The following LRRTM4 variants were observed in gnomAD, a reference collection of about 807,000 sequenced individuals.
LRRTM4 encodes the protein leucine rich repeat transmembrane neuronal 4.
A neutral mutation model predicts 47.6 loss-of-function variants in LRRTM4; 25 were observed. The ratio of observed to expected loss-of-function variants is 0.53; its 90% CI spans 0.38 to 0.73. The LOEUF is 0.73. Among genes scored for constraint, LRRTM4 ranks in the 30% least tolerant of loss-of-function variants. The probability of loss-of-function intolerance (pLI) is 0.00; values close to 1 mark genes in which losing one functional copy is unlikely to be tolerated. For synonymous variants in LRRTM4, 311 were observed against 269.5 expected, an observed-to-expected ratio of 1.15 and a Z score of -1.51; for missense variants, 638 against 713.4, an observed-to-expected ratio of 0.89 and a Z score of 1.20.
At chr2:77,442,394 G>T (rs1042811598) in intron 3 of LRRTM4, among the ~76,000 whole-genome samples, 1 of 152,170 alleles carries the variant, frequency 6.6e-6, no homozygotes, top group Admixed American at 6.6e-5. Context: ...TTCCTAAAAT[G>T]TAGTAGTTCA....
intron 3 of LRRTM4, among the ~76,000 whole-genome samples, chr2:77,008,272 C>T (rs1368312077): frequency 6.6e-6 from 1 of 152,100 alleles, no homozygotes; most frequent in Non-Finnish European, 1.5e-5. Flanking sequence ...TTTAGGTTTA[C>T]ATCTTAAGTG....
At chr2:76,857,320 A>AATATATATATC (rs1672182666) in intron 3 of LRRTM4, among the ~76,000 whole-genome samples, 2 of 147,968 alleles carry the variant, frequency 1.4e-5, no homozygotes, top group African/African-American at 4.9e-5. Context: ...ATATATATAT[A>AATATATATATC]ATATATATAT....
intron 3 of LRRTM4, among the ~76,000 whole-genome samples, chr2:77,295,025 G>A (rs1046168385): frequency 2.6e-5 from 4 of 152,148 alleles, no homozygotes; most frequent in East Asian, 1.9e-4. Context: ...ATGACTCCAG[G>A]TGAATCAAAA....
At chr2:76,911,958 C>A (rs1340782158) in intron 3 of LRRTM4, among the ~76,000 whole-genome samples, 1 of 137,144 alleles carries the variant, frequency 7.3e-6, no homozygotes, top group Non-Finnish European at 1.6e-5. Flanking sequence ...GGGACAGAGT[C>A]TCGCTCTGTC....
chr2:77,282,129 T>G (rs972466264), intron 3 of LRRTM4, among the ~76,000 whole-genome samples: 1 of 151,940 alleles, frequency 6.6e-6, no homozygotes, highest in Admixed American at 6.6e-5. Flanking sequence ...GAGTGTCTTA[T>G]AGTTGTCCTT....
At chr2:77,348,020 C>A (rs986689171) in intron 3 of LRRTM4, among the ~76,000 whole-genome samples, 3 of 82,790 alleles carry the variant, frequency 3.6e-5, no homozygotes, top group African/African-American at 1.4e-4. Context: ...TAACAAAACA[C>A]AAGTACACAC....
chr2:77,240,795 G>T (rs958001059), intron 3 of LRRTM4, among the ~76,000 whole-genome samples: 1 of 151,600 alleles, frequency 6.6e-6, no homozygotes, highest in Non-Finnish European at 1.5e-5. Flanking sequence ...ATAATAAAAT[G>T]GTACCATTTA....
At chr2:77,329,792 A>G (rs1670902795) in intron 3 of LRRTM4, among the ~76,000 whole-genome samples, 1 of 152,124 alleles carries the variant, frequency 6.6e-6, no homozygotes, top group Non-Finnish European at 1.5e-5. Flanking sequence ...GAAGAGAGTG[A>G]AGGATAACTT....
intron 3 of LRRTM4, among the ~76,000 whole-genome samples, chr2:77,276,953 T>C (rs1676377045): frequency 6.6e-6 from 1 of 151,450 alleles, no homozygotes; most frequent in Non-Finnish European, 1.5e-5. Flanking sequence ...GGTAAGTGTA[T>C]TAGCTGCCTT....
intron 3 of LRRTM4, among the ~76,000 whole-genome samples, chr2:77,338,544 T>C (rs1033436453): frequency 2.6e-5 from 4 of 151,642 alleles, no homozygotes; most frequent in Non-Finnish European, 5.9e-5. Flanking sequence ...CAACGAGATA[T>C]CATCTCATAC....
At chr2:77,232,611 A>C (rs1043436337) in intron 3 of LRRTM4, among the ~76,000 whole-genome samples, 22 of 152,204 alleles carry the variant, frequency 1.4e-4, no homozygotes, top group African/African-American at 5.3e-4. Flanking sequence ...TCTGGTTATG[A>C]AACAAAGATA....
chr2:76,805,803 C>T (rs778157191), intron 3 of LRRTM4, among the ~76,000 whole-genome samples: 10 of 150,458 alleles, frequency 6.6e-5, no homozygotes, highest in Non-Finnish European at 1.3e-4. Context: ...TACTGCAGAC[C>T]TCCATAAAAC....
At chr2:77,345,342 G>A (rs1361178886) in intron 3 of LRRTM4, among the ~76,000 whole-genome samples, 2 of 151,762 alleles carry the variant, frequency 1.3e-5, no homozygotes, top group East Asian at 3.9e-4. Context: ...AGAAATGCAG[G>A]AGTAGGAGAA....
chr2:77,128,395 CAGAT>C (rs59399563), intron 3 of LRRTM4, among the ~76,000 whole-genome samples: 17,656 of 150,464 alleles, frequency 0.12, 1,691 homozygotes, highest in East Asian at 0.41. Flanking sequence ...AATTCTGTAA[CAGAT>C]AGATAGATAG....
At chr2:77,468,235 G>A (rs1488834687) in intron 3 of LRRTM4, among the ~76,000 whole-genome samples, 1 of 151,980 alleles carries the variant, frequency 6.6e-6, no homozygotes. Flanking sequence ...TATATGTTTA[G>A]GTATCACTGA....
intron 3 of LRRTM4, among the ~76,000 whole-genome samples, chr2:77,346,404 TA>T (rs1428274053): frequency 1.3e-5 from 2 of 152,104 alleles, no homozygotes; most frequent in Admixed American, 1.3e-4. Context: ...AATATAAATT[TA>T]AAAGGTATAT....
At chr2:76,868,569 T>C (rs2104039943) in intron 3 of LRRTM4, among the ~76,000 whole-genome samples, 1 of 152,320 alleles carries the variant, frequency 6.6e-6, no homozygotes, top group South Asian at 2.1e-4. Context: ...AGAGACAGGA[T>C]TTAGCAGAAT....
At chr2:77,199,298 C>T (rs1673912610) in intron 3 of LRRTM4, among the ~76,000 whole-genome samples, 1 of 152,104 alleles carries the variant, frequency 6.6e-6, no homozygotes, top group African/African-American at 2.4e-5. Context: ...ACCCTAAACT[C>T]ATTTACACAT....
chr2:76,985,105 A>AT (rs1676747791), intron 3 of LRRTM4, among the ~76,000 whole-genome samples: 4 of 152,086 alleles, frequency 2.6e-5, no homozygotes, highest in African/African-American at 9.6e-5. Flanking sequence ...CTCTTATACA[A>AT]TTCCCCCAAA....
Sources: allele counts gnomAD v4.1 joint callset (sites outside exome capture counted in the v4.1 genomes callset), GRCh38; gene constraint gnomAD v4.1.1; transcripts MANE v1.5; gene names NCBI Gene and HGNC (gene_info 2026-07-23, HGNC 2026-07-21).